EDNRB: variants seen among roughly 807,000 people sequenced by gnomAD.
The protein encoded by EDNRB is endothelin receptor type B, also known as Hirschsprung disease 2.
A neutral mutation model predicts 46.4 loss-of-function variants in EDNRB; 18 were observed. The ratio of observed to expected loss-of-function variants is 0.39; its 90% CI spans 0.27 to 0.57. The LOEUF (loss-of-function observed/expected upper bound fraction) is 0.57. Ranked by LOEUF, EDNRB falls within the 20% of genes least tolerant of loss-of-function variation. The pLI, the probability that EDNRB is intolerant of heterozygous loss-of-function variation, is 0.61. For synonymous variants in EDNRB, 213 were observed against 204.9 expected, an observed-to-expected ratio of 1.04 and a Z score of -0.34; for missense variants, 434 against 537.5, an observed-to-expected ratio of 0.81 and a Z score of 1.90.
chr13:77,901,008 T>A (rs1295311581), intron 4 of EDNRB, 50 bp downstream of exon 4: 1 of 1,593,608 alleles, frequency 6.3e-7, no homozygotes, highest in Non-Finnish European at 8.6e-7. Context: ...ATTTTCATAT[T>A]CATAATTATA....
chr13:77,954,838 G>C (rs563066023), intron 1 of EDNRB, among the ~76,000 whole-genome samples: 1 of 151,950 alleles, frequency 6.6e-6, no homozygotes, highest in East Asian at 1.9e-4. Context: ...TCTGTTTTAG[G>C]TATATAGCAA....
intron 1 of EDNRB, among the ~76,000 whole-genome samples, chr13:77,933,788 G>A (rs1363556957): frequency 6.6e-6 from 1 of 152,206 alleles, no homozygotes; most frequent in Admixed American, 6.5e-5. Context: ...CCTAGAGTGG[G>A]AGAGATTAAG....
chr13:77,960,880 C>T (rs1594398940), intron 1 of EDNRB, among the ~76,000 whole-genome samples: 1 of 138,198 alleles, frequency 7.2e-6, no homozygotes, highest in African/African-American at 2.7e-5. Flanking sequence ...AAAAAAAAAG[C>T]AGGAGTTGCA....
At chr13:77,901,493 A>G (rs997542454) in intron 3 of EDNRB, among the ~76,000 whole-genome samples, 2 of 152,022 alleles carry the variant, frequency 1.3e-5, no homozygotes, top group Non-Finnish European at 2.9e-5. Context: ...TGGTAATTCA[A>G]TGCTTTGTCT....
chr13:77,903,339 C>T lies in EDNRB; in HGVS notation c.618G>A (p.Trp206Ter), dbSNP rs876657688. 6.2e-7 allele frequency: 1 copy of T among 1,612,840 alleles called. No individual in the cohort carries two copies. The change falls in exon 3 of 7, where the codon TGG (tryptophan) becomes TGA (stop). Residue 206 changes from tryptophan to a stop codon, truncating the protein, a stop_gained. Transcript: ENST00000646607. LOFTEE classifies it high-confidence loss of function. ...SIDRYRAVAS[W>*]SRIKGIGVPK... ...GAACCCCAATTCCTTTAATTCTACTCCAAGAAGCAACAGCTCGATATCTGA... is the reference window on the plus strand; with the variant it reads ...GAACCCCAATTCCTTTAATTCTACTTCAAGAAGCAACAGCTCGATATCTGA...
At chr13:77,971,865 G>A (rs1427128951) in intron 1 of EDNRB, among the ~76,000 whole-genome samples, 1 of 152,158 alleles carries the variant, frequency 6.6e-6, no homozygotes, top group South Asian at 2.1e-4. Flanking sequence ...GAAAGGGATA[G>A]CCAAATGGAC....
At position 77,918,256 on chromosome 13, in the gene EDNRB, A is replaced by G. The variant is rs200777477; in HGVS notation, c.318T>C (p.Val106=). The G allele has an allele frequency of 4.2e-5, 67 of 1,613,918 alleles. No homozygotes were observed. Among genetic ancestry groups the G allele is most frequent in the South Asian group, 2.3e-4 (21 of 91,050 alleles). Residue 106 remains valine (V), a synonymous_variant, in exon 1 of 7, where the codon GTT becomes GTC. Coordinates refer to ENST00000646607, the MANE Select transcript of EDNRB (RefSeq NM_001122659.3). The surrounding 1 kb of genome is among the most constrained non-coding windows in gnomAD (Gnocchi z 4.5). ...IKETFKYINT[V]VSCLVFVLGI... is the part of the protein sequence containing the mutation. ...CCAGCACGAACACAAGGCAGGACAC[A>G]ACCGTGTTGATGTATTTGAAAGTCT...
At chr13:77,950,880 T>C (rs1012549228) in intron 1 of EDNRB, among the ~76,000 whole-genome samples, 1 of 152,170 alleles carries the variant, frequency 6.6e-6, no homozygotes, top group African/African-American at 2.4e-5. Flanking sequence ...TTCTTTGGAA[T>C]TGATGCCACG....
At chr13:77,907,495 C>T (rs1879337855) in intron 1 of EDNRB, among the ~76,000 whole-genome samples, 1 of 151,888 alleles carries the variant, frequency 6.6e-6, no homozygotes, top group South Asian at 2.1e-4. Flanking sequence ...TCCTCATTAT[C>T]TATTTATCTG....
intron 1 of EDNRB, among the ~76,000 whole-genome samples, chr13:77,955,963 A>G (rs1295653481): frequency 2.0e-5 from 3 of 151,986 alleles, no homozygotes; most frequent in African/African-American, 4.8e-5. Flanking sequence ...CGAGAGTGTG[A>G]TATCTCCAGC....
In EDNRB at chr13:77,954,838, G is replaced by T. The variant is rs563066023; in HGVS notation, c.-52+20509C>A. Among the ~76,000 whole-genome samples, 4 of 152,068 alleles carry T rather than the reference G, an allele frequency of 2.6e-5. No individual in the cohort carries two copies. The South Asian group carries it at 6.2e-4, about 24-fold the overall frequency. ...TTCTTTTTTTAAGGTTCTGTTTTAG[G>T]TATATAGCAAATTTCTGTATCCTTC... On this transcript the variant is annotated intron_variant, in intron 1 of 7. Coordinates refer to the EDNRB transcript ENST00000646948.
chr13:77,949,662 CT>C (rs1373592579), intron 1 of EDNRB, among the ~76,000 whole-genome samples: 4 of 152,066 alleles, frequency 2.6e-5, no homozygotes, highest in Admixed American at 6.6e-5. Flanking sequence ...TGAAATAATG[CT>C]TGAAGTCTTG....
intron 4 of EDNRB, 81 bp from the exon 5 acceptor site, chr13:77,900,735 A>G: frequency 6.3e-7 from 1 of 1,584,286 alleles, no homozygotes; most frequent in East Asian, 2.3e-5. Context: ...GACATTTAAT[A>G]TTGTCTACAA....
chr13:77,966,716 T>C lies in EDNRB; in HGVS notation c.-52+8631A>G, dbSNP rs535347742. ...CTTTTGCGCAGTTACTCTTTCAACA[T>C]AGATAAGCAGAGATCTGGATGGGGT... On this transcript the variant is annotated intron_variant, in intron 1 of 7. Coordinates refer to the EDNRB transcript ENST00000646948. Among the ~76,000 whole-genome samples the C allele has an allele frequency of 4.6e-5, 7 of 152,322 alleles. No homozygotes were observed. The East Asian group carries it at 9.6e-4, about 21-fold the overall frequency.
intron 1 of EDNRB, among the ~76,000 whole-genome samples, chr13:77,970,819 G>A (rs1168093221): frequency 6.6e-6 from 1 of 151,946 alleles, no homozygotes. Context: ...AAATAATAAG[G>A]CCTTAGCAAC....
chr13:77,974,410 A>G (rs1017168621), intron 1 of EDNRB, among the ~76,000 whole-genome samples: 3 of 152,150 alleles, frequency 2.0e-5, no homozygotes, highest in Non-Finnish European at 4.4e-5. Context: ...TTTTGATAGG[A>G]AGGCCTCAGT....
rs371218105 is a variant in EDNRB at position 77,903,220 on chromosome 13, T to A, written c.737A>T (p.Asp246Val). The change falls in exon 3 of 7, where the codon GAC becomes GTC. Residue 246 changes from aspartate to valine, a missense_variant. Transcript: ENST00000646607. ...GATTCGCAGATAACTTCCTTTGTAG[T>A]CCATCGTAATTATATCAAAACCTAT... The part of the protein sequence containing the change: ...EAIGFDIITM[D>V]YKGSYLRICL... 9 of 1,613,024 alleles carry A rather than the reference T, an allele frequency of 5.6e-6. No homozygotes were observed. The highest frequency in any genetic ancestry group is 7.6e-6 in the Non-Finnish European group (9 of 1,179,362).
intron 1 of EDNRB, among the ~76,000 whole-genome samples, chr13:77,970,360 G>A (rs574784431): frequency 3.3e-4 from 50 of 152,220 alleles, no homozygotes; most frequent in African/African-American, 1.1e-3. Context: ...CTCAGACACC[G>A]AGTTAAAGAA....
At chr13:77,935,432 A>G (rs1433091678) in intron 1 of EDNRB, among the ~76,000 whole-genome samples, 2 of 152,154 alleles carry the variant, frequency 1.3e-5, no homozygotes, top group Non-Finnish European at 2.9e-5. Flanking sequence ...TTTAGGATCT[A>G]TGGGGTCAGC....
Sources: gnomAD v4.1 joint callset for allele counts (sites outside exome capture counted in the v4.1 genomes callset) on GRCh38, gnomAD v4.1.1 for gene constraint, Gnocchi (gnomAD v3.1) non-coding constraint, MANE v1.5 for transcripts, NCBI Gene and HGNC (gene_info 2026-07-23, HGNC 2026-07-21) for gene names.